Variants in CMAS observed in about 807,000 individuals in gnomAD.
CMAS encodes the protein cytidine monophosphate N-acetylneuraminic acid synthetase, also known as N-acylneuraminate cytidylyltransferase.
A neutral mutation model predicts 53.4 loss-of-function variants in CMAS; 21 were observed. The observed-to-expected ratio is 0.39, with a 90% CI of 0.28 to 0.57. The LOEUF (loss-of-function observed/expected upper bound fraction) is 0.57. Ranked by LOEUF, CMAS falls within the 20% of genes least tolerant of loss-of-function variation. The pLI, the probability that CMAS is intolerant of heterozygous loss-of-function variation, is 0.56. For missense variants in CMAS, 384 were observed against 534.9 expected, an observed-to-expected ratio of 0.72 and a Z score of 2.78; for synonymous variants, 189 against 195.2, an observed-to-expected ratio of 0.97 and a Z score of 0.27.
intron 6 of CMAS, 22 bp downstream of exon 6, chr12:22,061,474 C>G (rs909053928): frequency 2.1e-6 from 3 of 1,451,708 alleles, no homozygotes; most frequent in East Asian, 2.3e-5. Flanking sequence ...CTGAATATAG[C>G]AGTATTTTAT....
At chr12:22,047,910 T>C (rs901130987) in intron 1 of CMAS, among the ~76,000 whole-genome samples, 3 of 152,208 alleles carry the variant, frequency 2.0e-5, no homozygotes, top group Non-Finnish European at 2.9e-5. Flanking sequence ...TATAGTGAAA[T>C]ATCATTTTTG....
At chr12:22,050,728 A>G (rs1950235809) in intron 1 of CMAS, among the ~76,000 whole-genome samples, 1 of 152,144 alleles carries the variant, frequency 6.6e-6, no homozygotes. Context: ...GACAATACAT[A>G]AATGAAAGAG....
intron 5 of CMAS, 69 bp from the exon 6 acceptor site, chr12:22,061,212 G>A: frequency 9.4e-7 from 1 of 1,064,250 alleles, no homozygotes; most frequent in Non-Finnish European, 1.4e-6. Flanking sequence ...TCATGTATTG[G>A]TTTAGCCAGA....
In CMAS at chr12:22,050,049, T is replaced by C. The variant is rs549629270; in HGVS notation, c.260+3486T>C. 5.3e-5 allele frequency among the ~76,000 whole-genome samples: 8 copies of C among 152,352 alleles called. No individual in the cohort carries two copies. In the South Asian group the frequency reaches 1.2e-3, roughly 24 times the overall value. The stretch of plus-strand genomic sequence containing the variant: ...ATCCTTTCCAGGCATCTGGAGAGAT[T>C]AGGTCAAAAGGTAATAGAAGGGACC... On this transcript the variant is annotated intron_variant, in intron 1 of 7. Coordinates refer to ENST00000229329, the MANE Select transcript of CMAS (RefSeq NM_018686.6).
chr12:22,055,203 T>C lies in CMAS; in HGVS notation c.315T>C (p.Gly105=), dbSNP rs985540096. 1.7e-5 allele frequency: 27 copies of C among 1,613,326 alleles called. No homozygotes were observed. The highest frequency in any genetic ancestry group is 2.3e-5 in the Non-Finnish European group (27 of 1,179,406). The change falls in exon 2 of 8, where the codon GGT becomes GGC. Residue 105 remains glycine, a synonymous_variant. Transcript: ENST00000229329. ...DEIENVAKQF[G]AQVHRRSSEV... ...TTGAGAATGTGGCCAAACAATTTGG[T>C]GCACAAGTTCATCGAAGAAGTTCTG...
intron 3 of CMAS, 106 bp from the exon 4 acceptor site, chr12:22,058,461 G>T (rs1236663229): frequency 2.5e-5 from 23 of 928,508 alleles, no homozygotes; most frequent in African/African-American, 3.4e-5. Context: ...TCTAGATAAA[G>T]AAATGCTCTG....
rs762336342 is a variant in CMAS at position 22,046,519 on chromosome 12, T to A, written c.216T>A (p.Ile72=). The part of the protein sequence containing the change: ...NIKHLAGVPL[I]GWVLRAALDS... ...AGCACCTGGCGGGGGTCCCGCTCATTGGCTGGGTCCTGCGTGCGGCCCTGG... is the reference window on the plus strand; with the variant it reads ...AGCACCTGGCGGGGGTCCCGCTCATAGGCTGGGTCCTGCGTGCGGCCCTGG... The change falls in exon 1 of 8, where the codon ATT becomes ATA. Residue 72 remains isoleucine (I), a synonymous_variant. Coordinates refer to ENST00000229329, the MANE Select transcript of CMAS (RefSeq NM_018686.6). The A allele has an allele frequency of 3.1e-6, 5 of 1,603,592 alleles. No homozygotes were observed. The African/African-American group carries it at 5.4e-5, about 17-fold the overall frequency.
intron 1 of CMAS, among the ~76,000 whole-genome samples, chr12:22,052,678 C>T (rs952063254): frequency 2.6e-5 from 4 of 152,186 alleles, no homozygotes; most frequent in East Asian, 3.9e-4. Context: ...TTGTTATATA[C>T]CTTTGACTAT....
At chr12:22,061,220 A>G (rs1485488467) in intron 5 of CMAS, 61 bp from the exon 6 acceptor site, 35 of 1,141,336 alleles carry the variant, frequency 3.1e-5, no homozygotes, top group Non-Finnish European at 4.5e-5. Flanking sequence ...TGGTTTAGCC[A>G]GATGAGAGGG....
intron 1 of CMAS, among the ~76,000 whole-genome samples, chr12:22,053,865 C>T (rs1303994606): frequency 6.8e-6 from 1 of 146,986 alleles, no homozygotes; most frequent in Non-Finnish European, 1.5e-5. Flanking sequence ...GGAGACACAG[C>T]GAGACTCCGT....
chr12:22,053,219 A>G (rs1167073113), intron 1 of CMAS, among the ~76,000 whole-genome samples: 1 of 151,998 alleles, frequency 6.6e-6, no homozygotes, highest in East Asian at 1.9e-4. Flanking sequence ...TGAACCTGGG[A>G]GGTGGAGGTT....
In CMAS at chr12:22,065,196, C is replaced by T. The variant is rs1418722551; in HGVS notation, c.1190C>T (p.Ala397Val). 5 of 1,613,884 alleles carry T rather than the reference C, an allele frequency of 3.1e-6. No homozygotes were observed. In the Admixed American group the frequency reaches 5.0e-5, roughly 16 times the overall value. Residue 397 changes from alanine to valine, a missense_variant, in exon 8 of 8, where the codon GCC becomes GTC. Coordinates refer to ENST00000229329, the MANE Select transcript of CMAS (RefSeq NM_018686.6). ...GCTCCTGCTGATGCCTGTTCTACTG[C>T]CCAGAAGGCTGTTGGATACATTTGC... ...SGAPADACST[A>V]QKAVGYICKC...
intron 1 of CMAS, among the ~76,000 whole-genome samples, chr12:22,053,423 TTATA>T (rs950101716): frequency 3.3e-5 from 5 of 150,590 alleles, no homozygotes; most frequent in Admixed American, 1.3e-4. Flanking sequence ...TATATACACA[TTATA>T]TATACACGTT....
chr12:22,054,810 GA>G (rs1242598451), intron 1 of CMAS, among the ~76,000 whole-genome samples: 2 of 152,052 alleles, frequency 1.3e-5, no homozygotes, highest in African/African-American at 4.8e-5. Context: ...TCGGTGTACA[GA>G]TTATTTCGTC....
intron 1 of CMAS, among the ~76,000 whole-genome samples, chr12:22,048,090 T>G (rs912827521): frequency 3.3e-5 from 5 of 152,184 alleles, no homozygotes; most frequent in Non-Finnish European, 5.9e-5. Context: ...AAAAAATGAT[T>G]CATTCATTCA....
Position 22,055,595 on chromosome 12 carries a change from G to C in CMAS, c.544G>C (p.Glu182Gln), listed in dbSNP as rs966533556. The C allele has an allele frequency of 6.2e-7, 1 of 1,607,548 alleles. No individual in the cohort carries two copies. The highest frequency in any genetic ancestry group is 1.3e-5 in the African/African-American group (1 of 74,654). ...VVRRHQFRWS[E>Q]IQKGVREVTE... The stretch of plus-strand genomic sequence containing the variant: ...GAGACGCCATCAGTTTCGATGGAGT[G>C]AAATTCAGAAAGGAGGTAATCTCTT... Residue 182 changes from glutamate (E) to glutamine (Q), a missense_variant, in exon 3 of 8, where the codon GAA (glutamate) becomes CAA (glutamine). By Grantham distance (29) the Glu-to-Gln change is conservative. Around this residue, in one of 3 missense-constraint regions of CMAS, gnomAD observed 139 missense variants for 248.0 expected, o/e 0.56. Transcript: ENST00000229329.
At chr12:22,048,233 C>T (rs1049401158) in intron 1 of CMAS, among the ~76,000 whole-genome samples, 3 of 152,152 alleles carry the variant, frequency 2.0e-5, no homozygotes, top group African/African-American at 4.8e-5. Flanking sequence ...TATACAAGAA[C>T]ATTAATGTGT....
intron 4 of CMAS, chr12:22,060,575 G>C (rs1950302539): frequency 6.5e-6 from 2 of 305,468 alleles, no homozygotes; most frequent in Non-Finnish European, 1.2e-5. Context: ...GATTGCTTGA[G>C]CCTAAGATTT....
In CMAS at chr12:22,063,198, C is replaced by T. The variant is rs576804060; in HGVS notation, c.1114+764C>T. On this transcript the variant is annotated intron_variant, in intron 7 of 7. Coordinates refer to ENST00000229329, the MANE Select transcript of CMAS (RefSeq NM_018686.6). ...GATAAGTTATTAAGATGCATAATAA[C>T]TATAAATCATGTATGAAAGCAGTAT... Among the ~76,000 whole-genome samples, 5 of 152,172 alleles carry T rather than the reference C, an allele frequency of 3.3e-5. No homozygotes were observed. The South Asian group carries it at 1.0e-3, about 32-fold the overall frequency.
Sources: allele counts gnomAD v4.1 joint callset (sites outside exome capture counted in the v4.1 genomes callset), GRCh38; gene constraint gnomAD v4.1.1; regional missense constraint gnomAD v4.1.1; transcripts MANE v1.5; gene names NCBI Gene and HGNC (gene_info 2026-07-23, HGNC 2026-07-21).